MARK4: variants seen among roughly 807,000 people sequenced by gnomAD.
MARK4 encodes microtubule affinity regulating kinase 4, also known as MAP/microtubule affinity-regulating kinase 4.
MARK4 carries 19 observed loss-of-function variants against 81.5 expected under a neutral mutation model. The observed-to-expected ratio is 0.23, with a 90% CI of 0.16 to 0.34. The LOEUF (loss-of-function observed/expected upper bound fraction) is 0.34, where lower values mean the gene tolerates loss of function less well. Ranked by LOEUF, MARK4 falls within the 10% of genes least tolerant of loss-of-function variation. The pLI, the probability that MARK4 is intolerant of heterozygous loss-of-function variation, is 1.00. For missense variants in MARK4, 772 were observed against 1,058.8 expected (o/e 0.73, Z 3.76); for synonymous variants, 436 against 439.0 (o/e 0.99, Z 0.08).
intron 14 of MARK4, among the ~76,000 whole-genome samples, chr19:45,297,206 C>G (rs1970898840): frequency 6.6e-6 from 1 of 152,144 alleles, no homozygotes; most frequent in Admixed American, 6.6e-5. Flanking sequence ...GGTCCTGGGA[C>G]AGTGGAACCC....
intron 8 of MARK4, among the ~76,000 whole-genome samples, chr19:45,277,501 G>A (rs989298719): frequency 6.9e-6 from 1 of 145,786 alleles, no homozygotes; most frequent in South Asian, 2.1e-4. Flanking sequence ...CTGGGTTCAA[G>A]CTATCCTCCT....
At chr19:45,287,301 C>A in intron 12 of MARK4, 146 bp from the exon 13 acceptor site, 1 of 499,040 alleles carries the variant, frequency 2.0e-6, no homozygotes, top group Non-Finnish European at 3.5e-6. Context: ...CGTTGGTAAT[C>A]TTGAGGTAAT....
chr19:45,299,647 G>A (rs865909611), intron 15 of MARK4, among the ~76,000 whole-genome samples, 164 bp from the exon 16 acceptor site: 2 of 152,144 alleles, frequency 1.3e-5, no homozygotes. Flanking sequence ...AATGAGCCCC[G>A]TTATGGGGAT....
intron 7 of MARK4, among the ~76,000 whole-genome samples, chr19:45,268,638 A>G (rs1970486465): frequency 6.6e-6 from 1 of 151,720 alleles, no homozygotes; most frequent in Non-Finnish European, 1.5e-5. Flanking sequence ...TCAGCTACTC[A>G]GGAGGCTGAG....
At position 45,271,477 on chromosome 19, in the gene MARK4, G is replaced by A; in HGVS notation, c.555G>A (p.Glu185=). The change falls in exon 8 of 17, where the codon GAG becomes GAA. Residue 185 remains glutamate (E), a synonymous_variant. Coordinates refer to ENST00000262891, the MANE Select transcript of MARK4 (RefSeq NM_001199867.2). The surrounding 1 kb of genome is among the most constrained non-coding windows in gnomAD (Gnocchi z 4.1). ...CTCTCCTTCTCTCCCTGCAGGCTGA[G>A]AACCTCTTGCTGGATGCCGAGGCCA... ...KNIVHRDLKA[E]NLLLDAEANI... 1 of 1,614,144 alleles carries A rather than the reference G, an allele frequency of 6.2e-7. No homozygotes were observed. Among genetic ancestry groups the A allele is most frequent in the African/African-American group, 1.3e-5 (1 of 75,068 alleles).
At chr19:45,288,504 G>A (rs1396036874) in intron 13 of MARK4, 2 of 144,684 alleles carry the variant, frequency 1.4e-5, no homozygotes, top group Non-Finnish European at 3.0e-5. Flanking sequence ...AGTGAGCTAA[G>A]ATTGCGCTAC....
chr19:45,281,837 A>G (rs1970678744), intron 12 of MARK4, among the ~76,000 whole-genome samples: 1 of 152,218 alleles, frequency 6.6e-6, no homozygotes, highest in Non-Finnish European at 1.5e-5. Context: ...ACTGAAGTAA[A>G]GGAGGCTCTG....
intron 14 of MARK4, among the ~76,000 whole-genome samples, chr19:45,295,502 T>C (rs1970875437): frequency 6.6e-6 from 1 of 152,012 alleles, no homozygotes; most frequent in Non-Finnish European, 1.5e-5. Flanking sequence ...TGGCCGGGCA[T>C]GGTGGCTCAC....
Position 45,251,338 on chromosome 19 carries a change from GC to G in MARK4, c.-246del. On this transcript the variant is annotated 5_prime_UTR_variant, in exon 1 of 17. Coordinates refer to ENST00000262891, the MANE Select transcript of MARK4 (RefSeq NM_001199867.2). ...GGGCCGGCTCCGCGCCCCCTCCGCG[GC>G]CCCCGCCCGCCCGCCTGCCCGCCGC... The G allele has an allele frequency of 6.8e-6, 1 of 146,736 alleles. No homozygotes were observed. The highest frequency in any genetic ancestry group is 1.5e-5 in the Non-Finnish European group (1 of 66,340). The allele number at this position is 146,736 out of a possible 1,614,324, so 9.1% of individuals were successfully genotyped here.
intron 12 of MARK4, among the ~76,000 whole-genome samples, chr19:45,282,799 G>C (rs909925329): frequency 1.7e-4 from 26 of 152,056 alleles, no homozygotes; most frequent in African/African-American, 5.6e-4. Context: ...ACTCCAGCCT[G>C]GGCCACAGAG....
At chr19:45,291,782 A>G (rs1016517046) in intron 13 of MARK4, among the ~76,000 whole-genome samples, 1 of 152,122 alleles carries the variant, frequency 6.6e-6, no homozygotes, top group Non-Finnish European at 1.5e-5. Context: ...ACTCTGTCTC[A>G]AAACAAAACA....
At chr19:45,295,472 C>A (rs987707319) in intron 14 of MARK4, among the ~76,000 whole-genome samples, 2 of 152,040 alleles carry the variant, frequency 1.3e-5, no homozygotes, top group Non-Finnish European at 2.9e-5. Flanking sequence ...GTTTCCTCCT[C>A]GGTAAAATGG....
rs1288067559 is a variant in MARK4, at chr19:45,302,548, G to A, written c.2097G>A (p.Leu699=). The change falls in exon 17 of 17, where the codon CTG becomes CTA. Residue 699 remains leucine (L), a synonymous_variant. Transcript: ENST00000262891. This position sits in a 1 kb window ranked among gnomAD's most constrained non-coding sequence, Gnocchi z 4.9. ...RQPQPFLLAC[L]HGGAGGPEPL... ...CACAGCCGTTCCTGCTGGCCTGCCT[G>A]CACGGGGGTGCGGGCGGGCCCGAGC... is the stretch of plus-strand genomic sequence containing the variant. 6.3e-7 allele frequency: 1 copy of A among 1,594,238 alleles called. No individual in the cohort carries two copies. Among genetic ancestry groups the A allele is most frequent in the African/African-American group, 1.3e-5 (1 of 74,862 alleles).
At chr19:45,288,420 G>T (rs1217630568) in intron 13 of MARK4, 1 of 152,036 alleles carries the variant, frequency 6.6e-6, no homozygotes, top group East Asian at 1.9e-4. Context: ...GGGCGTGGTG[G>T]CGGGCACCTA....
At position 45,302,565 on chromosome 19, in the gene MARK4, G is replaced by A. The variant is rs1970991451; in HGVS notation, c.2114G>A (p.Gly705Glu). 1.3e-6 allele frequency: 2 copies of A among 1,577,944 alleles called. No homozygotes were observed. The highest frequency in any genetic ancestry group is 8.5e-7 in the Non-Finnish European group (1 of 1,169,690). ...GCCTGCCTGCACGGGGGTGCGGGCG[G>A]GCCCGAGCCCCTGTCCCACTTCGAA... The part of the protein sequence containing the change: ...LLACLHGGAG[G>E]PEPLSHFEVE... Residue 705 changes from glycine (G) to glutamate (E), a missense_variant, in exon 17 of 17, where the codon GGG (glycine) becomes GAG (glutamate). Physicochemically the swap from Gly to Glu is moderately conservative, Grantham distance 98 (BLOSUM62 -2). Coordinates refer to ENST00000262891, the MANE Select transcript of MARK4 (RefSeq NM_001199867.2). This position sits in a 1 kb window ranked among gnomAD's most constrained non-coding sequence, Gnocchi z 4.9.
At chr19:45,263,847 C>A (rs1426974846) in intron 4 of MARK4, among the ~76,000 whole-genome samples, 1 of 151,980 alleles carries the variant, frequency 6.6e-6, no homozygotes, top group Admixed American at 6.6e-5. Context: ...TCTATTTTCT[C>A]TTCTGGAGTA....
intron 16 of MARK4, 67 bp downstream of exon 16, chr19:45,299,922 C>A: frequency 6.7e-7 from 1 of 1,490,958 alleles, no homozygotes; most frequent in Non-Finnish European, 9.1e-7. Flanking sequence ...CCGACACTTA[C>A]CCCAGGGCAT....
intron 1 of MARK4, among the ~76,000 whole-genome samples, chr19:45,253,961 G>C (rs142939210): frequency 6.6e-6 from 1 of 152,130 alleles, no homozygotes; most frequent in Non-Finnish European, 1.5e-5. Flanking sequence ...TGCATGGTGC[G>C]GATTTGAGGA....
At chr19:45,267,896 A>G (rs539879447) in intron 7 of MARK4, among the ~76,000 whole-genome samples, 114 of 152,040 alleles carry the variant, frequency 7.5e-4, no homozygotes, top group Non-Finnish European at 1.4e-3. Context: ...CCTGGGCTCA[A>G]GAGATTCTCC....
Sources: gnomAD v4.1 joint callset for allele counts (sites outside exome capture counted in the v4.1 genomes callset) on GRCh38, gnomAD v4.1.1 for gene constraint, Gnocchi (gnomAD v3.1) non-coding constraint, MANE v1.5 for transcripts, NCBI Gene and HGNC (gene_info 2026-07-23, HGNC 2026-07-21) for gene names.